PSD3: variants seen among roughly 807,000 people sequenced by gnomAD.
PSD3 encodes PH and SEC7 domain-containing protein 3.
PSD3 carries 49 observed loss-of-function variants against 105.5 expected under a neutral mutation model. The observed-to-expected ratio is 0.46, with a 90% CI of 0.37 to 0.59. PSD3 has a LOEUF of 0.59. PSD3 is among the 20% of genes least tolerant of loss of function. The pLI is 0.00. For synonymous variants in PSD3, 557 were observed against 457.8 expected (o/e 1.22, Z -2.77); for missense variants, 1,561 against 1,263.8 (o/e 1.24, Z -3.57).
chr8:18,585,542 C>G (rs1016048191), intron 12 of PSD3, among the ~76,000 whole-genome samples: 4 of 151,944 alleles, frequency 2.6e-5, no homozygotes, highest in African/African-American at 4.8e-5. Flanking sequence ...GGTCTTGAAC[C>G]CTTGGGCTTA....
chr8:18,986,446 C>T (rs565907786), intron 1 of PSD3, among the ~76,000 whole-genome samples: 16 of 151,706 alleles, frequency 1.1e-4, no homozygotes, highest in South Asian at 8.3e-4. Context: ...ATTTTGTATC[C>T]GAAAGATACA....
intron 11 of PSD3, among the ~76,000 whole-genome samples, chr8:18,625,999 G>T (rs1806446942): frequency 6.6e-6 from 1 of 151,926 alleles, no homozygotes; most frequent in African/African-American, 2.4e-5. Flanking sequence ...ACTGAATTTT[G>T]TTTTTTATTG....
intron 6 of PSD3, chr8:18,802,289 T>C (rs1416111039): frequency 5.1e-6 from 2 of 393,390 alleles, no homozygotes; most frequent in Admixed American, 2.7e-5. Flanking sequence ...TCGGAGTCAC[T>C]AAGAGCACTG....
intron 1 of PSD3, among the ~76,000 whole-genome samples, chr8:19,023,917 T>C (rs1687565252): frequency 6.6e-6 from 1 of 152,224 alleles, no homozygotes; most frequent in Non-Finnish European, 1.5e-5. Context: ...TAAAGCTTTT[T>C]AGCACAGCAC....
At chr8:18,813,282 T>A (rs1811867389) in intron 4 of PSD3, among the ~76,000 whole-genome samples, 1 of 151,864 alleles carries the variant, frequency 6.6e-6, no homozygotes. Context: ...TGTGCACACA[T>A]GGAAAGAAAC....
chr8:18,620,259 G>A (rs530250204), intron 11 of PSD3, among the ~76,000 whole-genome samples: 1 of 151,568 alleles, frequency 6.6e-6, no homozygotes, highest in Non-Finnish European at 1.5e-5. Flanking sequence ...GTCTTTGCCT[G>A]TAACTCATCT....
chr8:18,650,828 C>G (rs565616374), intron 10 of PSD3, among the ~76,000 whole-genome samples: 1 of 152,286 alleles, frequency 6.6e-6, no homozygotes, highest in South Asian at 2.1e-4. Context: ...CAAAGGCTAG[C>G]ACAGAAACAT....
At chr8:18,658,519 TA>T in intron 9 of PSD3, among the ~76,000 whole-genome samples, 1 of 139,792 alleles carries the variant, frequency 7.2e-6, no homozygotes, top group Non-Finnish European at 1.5e-5. Context: ...AGATACTATA[TA>T]ATTCTTTTTT....
upstream of PSD3, among the ~76,000 whole-genome samples, chr8:19,018,073 T>G (rs1402692645): frequency 1.3e-5 from 2 of 152,186 alleles, no homozygotes; most frequent in African/African-American, 4.8e-5. Flanking sequence ...TTATTGTTTT[T>G]GTGTTTGATT....
At chr8:18,737,246 A>G (rs978652882) in intron 9 of PSD3, among the ~76,000 whole-genome samples, 3 of 152,226 alleles carry the variant, frequency 2.0e-5, no homozygotes, top group African/African-American at 7.2e-5. Context: ...TTAGTTCACA[A>G]ATGAGAAAAA....
rs1355646340 is a variant in PSD3 at position 18,556,139 on chromosome 8, A to T, written c.2928+70T>A. ...TCTCTCAGTGACACTGCAAAGAAAG[A>T]TACCGCCTCATGGACAGATCATAAG... On this transcript the variant is annotated intron_variant, in intron 15 of 15. Coordinates refer to ENST00000327040, the MANE Select transcript of PSD3 (RefSeq NM_015310.4). 2.0e-6 allele frequency: 3 copies of T among 1,529,594 alleles called. No individual in the cohort carries two copies. The African/African-American group carries it at 4.2e-5, about 21-fold the overall frequency. The allele number at this position is 1,529,594 out of a possible 1,614,324, so 94.8% of individuals were successfully genotyped here.
At chr8:19,080,451 G>C (rs1371324456) in intron 1 of PSD3, among the ~76,000 whole-genome samples, 1 of 152,142 alleles carries the variant, frequency 6.6e-6, no homozygotes, top group Non-Finnish European at 1.5e-5. Context: ...TCAGACATTA[G>C]TTTGATTTTA....
At chr8:18,896,234 T>G (rs760715994) in intron 2 of PSD3, among the ~76,000 whole-genome samples, 4 of 152,198 alleles carry the variant, frequency 2.6e-5, no homozygotes, top group Non-Finnish European at 5.9e-5. Flanking sequence ...GACACATAGG[T>G]AGATTCCCCT....
chr8:18,937,355 T>C (rs1329148583), intron 1 of PSD3, among the ~76,000 whole-genome samples: 2 of 152,222 alleles, frequency 1.3e-5, no homozygotes, highest in East Asian at 1.9e-4. Context: ...GTCTGAACAG[T>C]GACTGACCAT....
chr8:18,707,654 T>C (rs1362781845), intron 9 of PSD3, among the ~76,000 whole-genome samples: 2 of 152,174 alleles, frequency 1.3e-5, no homozygotes, highest in African/African-American at 2.4e-5. Flanking sequence ...AGGTCAGAAG[T>C]GGTACGGCTG....
At chr8:19,061,462 A>G (rs1314123935) in intron 1 of PSD3, among the ~76,000 whole-genome samples, 1 of 152,154 alleles carries the variant, frequency 6.6e-6, no homozygotes, top group Non-Finnish European at 1.5e-5. Context: ...GACAGGTATT[A>G]CTATCTTGTT....
At chr8:18,679,526 G>A (rs1208530872) in intron 9 of PSD3, among the ~76,000 whole-genome samples, 22 of 152,254 alleles carry the variant, frequency 1.4e-4, no homozygotes, top group Non-Finnish European at 4.4e-5. Context: ...GTTAAATCTA[G>A]CTCAGTCTTT....
chr8:19,002,070 T>C (rs1224406256), intron 1 of PSD3: 1 of 153,332 alleles, frequency 6.5e-6, no homozygotes, highest in Non-Finnish European at 1.5e-5. Context: ...AAACATATCA[T>C]CCTCTCTCAC....
At chr8:18,985,311 ATTATG>A (rs1825447503) in intron 1 of PSD3, among the ~76,000 whole-genome samples, 1 of 152,134 alleles carries the variant, frequency 6.6e-6, no homozygotes, top group African/African-American at 2.4e-5. Flanking sequence ...CTCCTGTAAA[ATTATG>A]AGCCTTTGGA....
Sources: gnomAD v4.1 joint callset for allele counts (sites outside exome capture counted in the v4.1 genomes callset) on GRCh38, gnomAD v4.1.1 for gene constraint, MANE v1.5 for transcripts, NCBI Gene and HGNC (gene_info 2026-07-23, HGNC 2026-07-21) for gene names.